ATP8A1: variants seen among roughly 807,000 people sequenced by gnomAD.
ATP8A1 encodes ATPase phospholipid transporting 8A1, also known as phospholipid-transporting ATPase IA.
ATP8A1 carries 90 observed loss-of-function variants against 177.7 expected under a neutral mutation model. That is an observed-to-expected ratio of 0.51 (90% CI 0.43 to 0.60). ATP8A1 has a LOEUF of 0.60. ATP8A1 is among the 20% of genes least tolerant of loss of function. The pLI, the probability that ATP8A1 is intolerant of heterozygous loss-of-function variation, is 0.00. For synonymous variants in ATP8A1, 493 were observed against 485.9 expected, an observed-to-expected ratio of 1.01 and a Z score of -0.19; for missense variants, 1,072 against 1,392.8, an observed-to-expected ratio of 0.77 and a Z score of 3.67.
chr4:42,564,980 T>C (rs186052468), intron 15 of ATP8A1, among the ~76,000 whole-genome samples: 113 of 152,296 alleles, frequency 7.4e-4, no homozygotes, highest in African/African-American at 2.6e-3. Flanking sequence ...TCACGAGATC[T>C]TATGGTTATT....
At chr4:42,637,467 A>G (rs1020780595) in intron 1 of ATP8A1, among the ~76,000 whole-genome samples, 6 of 152,216 alleles carry the variant, frequency 3.9e-5, no homozygotes, top group Non-Finnish European at 8.8e-5. Flanking sequence ...TATAACAAAC[A>G]TTACATACCC....
At chr4:42,516,172 T>C (rs554558373) in intron 22 of ATP8A1, among the ~76,000 whole-genome samples, 6 of 152,360 alleles carry the variant, frequency 3.9e-5, no homozygotes, top group Admixed American at 2.6e-4. Flanking sequence ...GTGATAAATA[T>C]GATAAACACA....
At chr4:42,534,172 A>C (rs779657044) in intron 20 of ATP8A1, among the ~76,000 whole-genome samples, 8 of 152,236 alleles carry the variant, frequency 5.3e-5, no homozygotes, top group Non-Finnish European at 7.3e-5. Flanking sequence ...TTCAAGAAGA[A>C]ATCTCTGAAT....
At chr4:42,567,310 G>A (rs902422905) in intron 15 of ATP8A1, among the ~76,000 whole-genome samples, 9 of 152,106 alleles carry the variant, frequency 5.9e-5, no homozygotes, top group African/African-American at 1.9e-4. Context: ...AGGCTGAGGC[G>A]GGCGGATAAC....
At chr4:42,569,349 T>G in intron 14 of ATP8A1, 144 bp from the exon 15 acceptor site, 1 of 495,056 alleles carries the variant, frequency 2.0e-6, no homozygotes, top group Non-Finnish European at 3.6e-6. Context: ...TCTGAAAGAA[T>G]GGCAGTTAGT....
chr4:42,524,726 G>A, intron 21 of ATP8A1, 37 bp downstream of exon 21: 1 of 1,339,758 alleles, frequency 7.5e-7, no homozygotes, highest in South Asian at 1.2e-5. Flanking sequence ...TGATTTCTTT[G>A]TATTTTAATC....
chr4:42,604,451 T>G (rs4861205), intron 5 of ATP8A1, among the ~76,000 whole-genome samples: 27,349 of 151,876 alleles, frequency 0.18, 2,463 homozygotes, highest in East Asian at 0.26. Flanking sequence ...AAGTACTAAC[T>G]GGGTGGAATG....
At chr4:42,504,859 C>A (rs1200554137) in intron 23 of ATP8A1, among the ~76,000 whole-genome samples, 1 of 152,262 alleles carries the variant, frequency 6.6e-6, no homozygotes, top group African/African-American at 2.4e-5. Context: ...CACTGCTATG[C>A]TGAAGATCTC....
intron 7 of ATP8A1, 24 bp downstream of exon 7, chr4:42,590,787 C>A (rs1460376214): frequency 6.2e-7 from 1 of 1,609,052 alleles, no homozygotes; most frequent in Non-Finnish European, 8.5e-7. Context: ...ATACACGCAT[C>A]CTATACGACT....
At chr4:42,575,184 A>G (rs1732320252) in intron 13 of ATP8A1, among the ~76,000 whole-genome samples, 1 of 152,258 alleles carries the variant, frequency 6.6e-6, no homozygotes, top group Non-Finnish European at 1.5e-5. Context: ...AGAAAAACCT[A>G]GAATATGTTA....
intron 16 of ATP8A1, among the ~76,000 whole-genome samples, chr4:42,553,669 T>C (rs550953161): frequency 9.9e-5 from 15 of 152,176 alleles, no homozygotes; most frequent in African/African-American, 3.4e-4. Context: ...TATCAGAACA[T>C]TATTTGAAAA....
At chr4:42,453,369 G>C (rs1053877414) in intron 29 of ATP8A1, among the ~76,000 whole-genome samples, 2 of 152,096 alleles carry the variant, frequency 1.3e-5, no homozygotes, top group Non-Finnish European at 2.9e-5. Context: ...GAAATCACTA[G>C]AAAAATCCAT....
chr4:42,593,403 A>C (rs1734390526), intron 6 of ATP8A1, among the ~76,000 whole-genome samples: 2 of 152,244 alleles, frequency 1.3e-5, no homozygotes, highest in African/African-American at 4.8e-5. Flanking sequence ...AAATTATAGA[A>C]ATATAACTAC....
chr4:42,626,545 C>T (rs562625581), intron 2 of ATP8A1: 3 of 168,882 alleles, frequency 1.8e-5, no homozygotes, highest in Admixed American at 1.2e-4. Context: ...TGAAGTAATT[C>T]GCACAGCCCT....
At chr4:42,497,599 A>G (rs889895261) in intron 24 of ATP8A1, among the ~76,000 whole-genome samples, 91 of 152,170 alleles carry the variant, frequency 6.0e-4, no homozygotes, top group African/African-American at 2.1e-3. Context: ...TTTGTGAACA[A>G]CCTCACTTAA....
intron 33 of ATP8A1, among the ~76,000 whole-genome samples, chr4:42,438,514 G>A (rs112781089): frequency 0.02 from 3,019 of 152,210 alleles, 58 homozygotes; most frequent in South Asian, 0.088. Flanking sequence ...TATGAAGTGA[G>A]ATGGAATTTC....
chr4:42,473,114 GAA>G (rs539949757), intron 25 of ATP8A1, among the ~76,000 whole-genome samples: 96 of 152,298 alleles, frequency 6.3e-4, no homozygotes, highest in African/African-American at 2.2e-3. Context: ...ATTGGACTTG[GAA>G]AAGAGTGTAG....
chr4:42,651,122 C>T (rs533769605), intron 1 of ATP8A1, among the ~76,000 whole-genome samples: 1 of 152,282 alleles, frequency 6.6e-6, no homozygotes, highest in African/African-American at 2.4e-5. Flanking sequence ...CTGCTGCCAT[C>T]CATGTAAGAT....
At chr4:42,608,356 T>C (rs1736026939) in intron 5 of ATP8A1, among the ~76,000 whole-genome samples, 1 of 132,176 alleles carries the variant, frequency 7.6e-6, no homozygotes, top group African/African-American at 2.7e-5. Flanking sequence ...CCCCGGGCAA[T>C]AATATCATTT....
Sources: allele counts gnomAD v4.1 joint callset (sites outside exome capture counted in the v4.1 genomes callset), GRCh38; gene constraint gnomAD v4.1.1; transcripts MANE v1.5; gene names NCBI Gene and HGNC (gene_info 2026-07-23, HGNC 2026-07-21).